The following PCDHA12 variants were observed in gnomAD, a reference collection of about 807,000 sequenced individuals.
PCDHA12 encodes the protein protocadherin alpha-12.
A neutral mutation model predicts 60.0 loss-of-function variants in PCDHA12; 44 were observed. The ratio of observed to expected loss-of-function variants is 0.73; its 90% CI spans 0.58 to 0.94. The LOEUF is 0.94. Ranked by LOEUF, PCDHA12 falls within the 40% of genes least tolerant of loss-of-function variation. The probability of loss-of-function intolerance (pLI) is 0.00; values close to 1 mark genes in which losing one functional copy is unlikely to be tolerated. For missense variants in PCDHA12, 1,276 were observed against 1,239.7 expected (o/e 1.03, Z -0.44); for synonymous variants, 569 against 553.0 (o/e 1.03, Z -0.40).
At chr5:141,004,935 A>C (rs1554259817) in intron 3 of PCDHA12, among the ~76,000 whole-genome samples, 1 of 152,112 alleles carries the variant, frequency 6.6e-6, no homozygotes, top group African/African-American at 2.4e-5. Flanking sequence ...GAGAGAAGAA[A>C]ATTTCTTACC....
chr5:140,973,391 A>G (rs1466546487), intron 1 of PCDHA12, among the ~76,000 whole-genome samples: 1 of 152,232 alleles, frequency 6.6e-6, no homozygotes, highest in East Asian at 1.9e-4. Context: ...AGACAAAGAA[A>G]TCATATCTAT....
intron 1 of PCDHA12, among the ~76,000 whole-genome samples, chr5:140,948,721 A>G (rs1392170905): frequency 2.0e-5 from 3 of 151,530 alleles, no homozygotes; most frequent in African/African-American, 7.2e-5. Flanking sequence ...CTTTTTTATC[A>G]ATAAGTCTAG....
chr5:140,891,592 T>G (rs1162338197), intron 1 of PCDHA12, among the ~76,000 whole-genome samples: 1 of 152,216 alleles, frequency 6.6e-6, no homozygotes, highest in East Asian at 1.9e-4. Context: ...TATTACTCTA[T>G]CCCATCTATT....
In PCDHA12 at chr5:140,875,579, A is replaced by C. The variant is rs552791418; in HGVS notation, c.107A>C (p.Tyr36Ser). ...AGCGGCCAGCTCCACTACTCCGTCTACGAGGAGGCCAAACACGGCACCTTC... is the reference window on the plus strand; with the variant it reads ...AGCGGCCAGCTCCACTACTCCGTCTCCGAGGAGGCCAAACACGGCACCTTC... ...VGSGQLHYSV[Y>S]EEAKHGTFVG... The change falls in exon 1 of 4, where the codon TAC becomes TCC. Residue 36 changes from tyrosine (Y) to serine (S), a missense_variant. Coordinates refer to ENST00000398631, the MANE Select transcript of PCDHA12 (RefSeq NM_018903.4). The C allele has an allele frequency of 9.3e-6, 15 of 1,614,050 alleles. No individual in the cohort carries two copies. Among genetic ancestry groups the C allele is most frequent in the East Asian group, 6.7e-5 (3 of 44,884 alleles).
intron 1 of PCDHA12, among the ~76,000 whole-genome samples, chr5:140,974,689 T>A (rs2153804618): frequency 1.3e-5 from 2 of 152,208 alleles, no homozygotes; most frequent in South Asian, 4.1e-4. Flanking sequence ...TTTTGTATTT[T>A]TGGGTTTCAC....
chr5:140,923,000 G>A (rs1554201089), intron 1 of PCDHA12, among the ~76,000 whole-genome samples: 2 of 152,220 alleles, frequency 1.3e-5, no homozygotes, highest in African/African-American at 4.8e-5. Context: ...CCATGAGAAT[G>A]GTTGTTGGAC....
At position 141,012,270 on chromosome 5, in the gene PCDHA12, G is replaced by A. The variant is rs782033901; in HGVS notation, c.*2333G>A. On this transcript the variant is annotated 3_prime_UTR_variant, in exon 4 of 4. Coordinates refer to ENST00000398631, the MANE Select transcript of PCDHA12 (RefSeq NM_018903.4). ...TATTACAGCTGTAAGGATAAAACAC[G>A]TCATGTGGATTCATTTTGAATTGGT... is the stretch of plus-strand genomic sequence containing the variant. 4 of 153,734 alleles carry A rather than the reference G, an allele frequency of 2.6e-5. No individual in the cohort carries two copies. The highest frequency in any genetic ancestry group is 5.9e-5 in the Non-Finnish European group (4 of 68,028). 9.5% of individuals were successfully genotyped at this position (153,734 alleles called of 1,614,324 possible).
At chr5:140,907,406 A>G (rs2073359357) in intron 1 of PCDHA12, among the ~76,000 whole-genome samples, 1 of 152,216 alleles carries the variant, frequency 6.6e-6, no homozygotes, top group African/African-American at 2.4e-5. Context: ...TGTGTGGAAT[A>G]CCACGATGGT....
chr5:140,900,214 T>C (rs782509259), intron 1 of PCDHA12, among the ~76,000 whole-genome samples: 3 of 152,216 alleles, frequency 2.0e-5, no homozygotes, highest in Non-Finnish European at 4.4e-5. Flanking sequence ...ATCCAGGTTG[T>C]TGCAAATGAC....
intron 1 of PCDHA12, among the ~76,000 whole-genome samples, chr5:140,972,724 C>T (rs953044769): frequency 1.9e-4 from 27 of 140,890 alleles, no homozygotes; most frequent in Non-Finnish European, 3.3e-4. Context: ...AGTGCAGTGG[C>T]GTAATCCCGG....
intron 3 of PCDHA12, among the ~76,000 whole-genome samples, chr5:141,004,079 A>G (rs1192943756): frequency 1.3e-5 from 2 of 152,210 alleles, no homozygotes; most frequent in Non-Finnish European, 2.9e-5. Context: ...TTAGGGGTAG[A>G]AATGTGCTTC....
At chr5:140,881,244 C>T (rs1219638908) in intron 1 of PCDHA12, 9 of 397,012 alleles carry the variant, frequency 2.3e-5, no homozygotes, top group Non-Finnish European at 3.1e-5. Context: ...ATTTAAATGA[C>T]GGCAAGGTTT....
chr5:140,906,175 G>T (rs1177661963), intron 1 of PCDHA12, among the ~76,000 whole-genome samples: 18 of 152,058 alleles, frequency 1.2e-4, no homozygotes, highest in African/African-American at 4.1e-4. Flanking sequence ...ACAATACTTT[G>T]CATCCTTCAA....
At chr5:141,005,153 C>G (rs1408163088) in intron 3 of PCDHA12, among the ~76,000 whole-genome samples, 1 of 152,194 alleles carries the variant, frequency 6.6e-6, no homozygotes, top group East Asian at 1.9e-4. Flanking sequence ...GTTTGGTCTG[C>G]TAAAGAGTGG....
Position 140,875,351 on chromosome 5 carries a change from G to C in PCDHA12, c.-122G>C. The stretch of plus-strand genomic sequence containing the variant: ...GAATAGGATCGACTCCATAATGACT[G>C]TGATGCTGGAAAAAATTTACTAAAT... On this transcript the variant is annotated 5_prime_UTR_variant, in exon 1 of 4. Coordinates refer to ENST00000398631, the MANE Select transcript of PCDHA12 (RefSeq NM_018903.4). 1 of 1,445,562 alleles carries C rather than the reference G, an allele frequency of 6.9e-7. No individual in the cohort carries two copies. Among genetic ancestry groups the C allele is most frequent in the Non-Finnish European group, 9.1e-7 (1 of 1,102,114 alleles). 89.5% of individuals were successfully genotyped at this position (1,445,562 alleles called of 1,614,324 possible). A position where few individuals can be genotyped will look rare whatever the true frequency, so the allele number is the denominator to read the frequency against.
At chr5:140,953,554 A>C (rs1554220985) in intron 1 of PCDHA12, among the ~76,000 whole-genome samples, 2 of 152,044 alleles carry the variant, frequency 1.3e-5, no homozygotes, top group Non-Finnish European at 2.9e-5. Flanking sequence ...TCTTTTCTCC[A>C]AGTTTTAGTG....
intron 1 of PCDHA12, chr5:140,882,780 G>T: frequency 1.2e-6 from 2 of 1,614,160 alleles, no homozygotes; most frequent in Non-Finnish European, 1.7e-6. Context: ...TTGACCTACC[G>T]ACTGGATCCC....
intron 1 of PCDHA12, among the ~76,000 whole-genome samples, chr5:140,892,166 A>G (rs2063413664): frequency 6.6e-6 from 1 of 152,228 alleles, no homozygotes; most frequent in Admixed American, 6.5e-5. Flanking sequence ...TATGTCCAGT[A>G]ACTGGGATCC....
chr5:140,881,332 C>T (rs923599590), intron 1 of PCDHA12: 7 of 984,540 alleles, frequency 7.1e-6, no homozygotes, highest in South Asian at 9.4e-5. Flanking sequence ...TTAACCAGGA[C>T]GCCGATTCGG....
Sources: allele counts gnomAD v4.1 joint callset (sites outside exome capture counted in the v4.1 genomes callset), GRCh38; gene constraint gnomAD v4.1.1; transcripts MANE v1.5; gene names NCBI Gene and HGNC (gene_info 2026-07-23, HGNC 2026-07-21).